The following GOLGA1 variants were observed in gnomAD, a reference collection of about 807,000 sequenced individuals.
GOLGA1 encodes the protein golgin subfamily A member 1.
GOLGA1 carries 63 observed loss-of-function variants against 119.7 expected under a neutral mutation model. That is an observed-to-expected ratio of 0.53 (90% confidence interval 0.43 to 0.65). The LOEUF is 0.65. Among genes scored for constraint, GOLGA1 ranks in the 30% least tolerant of loss-of-function variants. The pLI is 0.00. For missense variants in GOLGA1, 798 were observed against 912.8 expected, an observed-to-expected ratio of 0.87 and a Z score of 1.62; for synonymous variants, 318 against 333.4, an observed-to-expected ratio of 0.95 and a Z score of 0.50.
intron 3 of GOLGA1, among the ~76,000 whole-genome samples, chr9:124,932,099 C>T (rs1830780938): frequency 6.6e-6 from 1 of 152,168 alleles, no homozygotes; most frequent in South Asian, 2.1e-4. Flanking sequence ...AAATAATGCT[C>T]TCCATCTACT....
chr9:124,929,823 C>T (rs915710106), intron 4 of GOLGA1, among the ~76,000 whole-genome samples: 26 of 152,066 alleles, frequency 1.7e-4, no homozygotes, highest in South Asian at 6.2e-4. Flanking sequence ...GTAACCTACG[C>T]TACATTAAAT....
chr9:124,909,968 G>A lies in GOLGA1; in HGVS notation c.970-1496C>T, dbSNP rs548543180. ...ATTTATTTTTTTGAGACAGAGTCTC[G>A]CTCTGTCACCAGGCAGGAGTGCAGT... On this transcript the variant is annotated intron_variant, in intron 11 of 22. Transcript: ENST00000373555. Among the ~76,000 whole-genome samples the A allele has an allele frequency of 6.6e-5, 10 of 151,806 alleles. No individual in the cohort carries two copies. The East Asian group carries it at 1.2e-3, about 18-fold the overall frequency.
rs1431240207 is a variant in GOLGA1, at chr9:124,888,566, A to G, written c.1762-170T>C. ...GAAGATCCAATGCCCAATGCCCACA[A>G]CTAATCACACGACTAGTCTTTGCTG... On this transcript the variant is annotated intron_variant, in intron 18 of 22. Coordinates refer to ENST00000373555, the MANE Select transcript of GOLGA1 (RefSeq NM_002077.4). The surrounding 1 kb of genome is among the most constrained non-coding windows in gnomAD (Gnocchi z 4.4). Among the ~76,000 whole-genome samples, 5 of 152,178 alleles carry G rather than the reference A, an allele frequency of 3.3e-5. No homozygotes were observed. Among genetic ancestry groups the G allele is most frequent in the African/African-American group, 1.2e-4 (5 of 41,438 alleles).
chr9:124,904,814 T>A (rs1489687114), intron 12 of GOLGA1, among the ~76,000 whole-genome samples: 1 of 152,012 alleles, frequency 6.6e-6, no homozygotes, highest in Admixed American at 6.6e-5. Flanking sequence ...GTCACATGCC[T>A]GTAATCCCAG....
At chr9:124,928,870 C>A (rs1430261535) in intron 5 of GOLGA1, among the ~76,000 whole-genome samples, 4 of 152,126 alleles carry the variant, frequency 2.6e-5, no homozygotes. Flanking sequence ...CTCAACACAG[C>A]AGTAATGAAG....
At chr9:124,895,177 G>C (rs533870022) in intron 15 of GOLGA1, among the ~76,000 whole-genome samples, 5 of 136,576 alleles carry the variant, frequency 3.7e-5, no homozygotes, top group Admixed American at 3.1e-4. Context: ...CTCCACAACA[G>C]AGACCCTCCA....
At chr9:124,906,129 A>AAATAAATAAATT (rs1300293120) in intron 12 of GOLGA1, among the ~76,000 whole-genome samples, 1 of 150,806 alleles carries the variant, frequency 6.6e-6, no homozygotes, top group Non-Finnish European at 1.5e-5. Context: ...ATAAATAAAT[A>AAATAAATAAATT]AATAAATAAA....
rs188750707 is a variant in GOLGA1 at position 124,881,983 on chromosome 9, C to A, written c.1966-29G>T. ...AAAAACCAGTGGGAAAGATGCTACA[C>A]CGAACCCTCTGAGACAGGTGGAAAA... On this transcript the variant is annotated intron_variant, in intron 20 of 22. Transcript: ENST00000373555. The surrounding 1 kb of genome is among the most constrained non-coding windows in gnomAD (Gnocchi z 4.9). 4 of 1,552,726 alleles carry A rather than the reference C, an allele frequency of 2.6e-6. No homozygotes were observed. The highest frequency in any genetic ancestry group is 3.5e-6 in the Non-Finnish European group (4 of 1,137,316).
At chr9:124,887,764 G>A (rs1829756745) in intron 19 of GOLGA1, among the ~76,000 whole-genome samples, 1 of 152,120 alleles carries the variant, frequency 6.6e-6, no homozygotes, top group Non-Finnish European at 1.5e-5. Context: ...AAGGCTGGAG[G>A]GTGAAGGGTG....
At chr9:124,895,013 A>C (rs755031717) in intron 15 of GOLGA1, among the ~76,000 whole-genome samples, 3 of 78,642 alleles carry the variant, frequency 3.8e-5, no homozygotes, top group Non-Finnish European at 9.9e-5. Flanking sequence ...ATCCACAACA[A>C]AGAACCATTC....
In GOLGA1 at chr9:124,888,342, T is replaced by G. The variant is rs767676706; in HGVS notation, c.1816A>C (p.Thr606Pro). Residue 606 changes from threonine to proline, a missense_variant, in exon 19 of 23, where the codon ACA becomes CCA. Coordinates refer to ENST00000373555, the MANE Select transcript of GOLGA1 (RefSeq NM_002077.4). The surrounding 1 kb of genome is among the most constrained non-coding windows in gnomAD (Gnocchi z 4.4). ...ATGGCCCCAACCTCACCATTTGGTG[T>G]TCTTCCTGCAGTTGGAAGCTGGAAC... ...PVFQLPTAGRTPNGEVGAMDL... is the reference protein window; with the variant it reads ...PVFQLPTAGRPPNGEVGAMDL... 1.9e-6 allele frequency: 3 copies of G among 1,613,840 alleles called. No homozygotes were observed. The highest frequency in any genetic ancestry group is 2.5e-6 in the Non-Finnish European group (3 of 1,179,712).
intron 2 of GOLGA1, among the ~76,000 whole-genome samples, chr9:124,939,183 C>A (rs913255465): frequency 6.6e-6 from 1 of 151,806 alleles, no homozygotes; most frequent in African/African-American, 2.4e-5. Flanking sequence ...ACATATAACA[C>A]ACTTGGTAAA....
At chr9:124,935,412 T>C (rs1830844812) in intron 3 of GOLGA1, among the ~76,000 whole-genome samples, 1 of 152,194 alleles carries the variant, frequency 6.6e-6, no homozygotes, top group South Asian at 2.1e-4. Flanking sequence ...TCAAAAAGTT[T>C]AAGATTTTGG....
chr9:124,885,441 C>T (rs1423562148), intron 19 of GOLGA1, among the ~76,000 whole-genome samples: 4 of 148,598 alleles, frequency 2.7e-5, no homozygotes, highest in Admixed American at 6.8e-5. Flanking sequence ...GCCAAGATCA[C>T]GCCATTGCAC....
At chr9:124,914,431 G>A (rs918508747) in intron 10 of GOLGA1, among the ~76,000 whole-genome samples, 1 of 152,180 alleles carries the variant, frequency 6.6e-6, no homozygotes, top group African/African-American at 2.4e-5. Context: ...AACCTGGGAG[G>A]CGGAGCTTGC....
chr9:124,889,449 G>T lies in GOLGA1; in HGVS notation c.1585C>A (p.Leu529Ile). ...GACTCCTCACCTCGCTCCAGCTGGA[G>T]AATCTCCTGCTCTTTCTGGAGAAGC... ...EVLLQKEQEI[L>I]QLERGHNSAL... The change falls in exon 17 of 23, where the codon CTC becomes ATC. Residue 529 changes from leucine (L) to isoleucine (I), a missense_variant. By Grantham distance (5) the Leu-to-Ile change is conservative. Transcript: ENST00000373555. The T allele has an allele frequency of 6.2e-7, 1 of 1,612,812 alleles. No individual in the cohort carries two copies. Among genetic ancestry groups the T allele is most frequent in the Non-Finnish European group, 8.5e-7 (1 of 1,178,718 alleles).
At position 124,878,561 on chromosome 9, in the gene GOLGA1, A is replaced by G. The variant is rs752059747; in HGVS notation, c.*1969T>C. ...CAAGTCAAAGTGCATTAAATCACTT[A>G]GAATATTTATTCCACTCTTCCTCTT... is the stretch of plus-strand genomic sequence containing the variant. On this transcript the variant is annotated 3_prime_UTR_variant, in exon 23 of 23. Coordinates refer to ENST00000373555, the MANE Select transcript of GOLGA1 (RefSeq NM_002077.4). The G allele has an allele frequency of 5.2e-5, 8 of 152,660 alleles. No homozygotes were observed. Among genetic ancestry groups the G allele is most frequent in the Non-Finnish European group, 1.2e-4 (8 of 68,034 alleles). The allele number at this position is 152,660 out of a possible 1,614,324, so 9.5% of individuals were successfully genotyped here. A position where few individuals can be genotyped will look rare whatever the true frequency, so the allele number is the denominator to read the frequency against.
At chr9:124,901,586 C>T (rs1830107133) in intron 12 of GOLGA1, among the ~76,000 whole-genome samples, 1 of 151,930 alleles carries the variant, frequency 6.6e-6, no homozygotes, top group Non-Finnish European at 1.5e-5. Flanking sequence ...CAGGCACATG[C>T]CACCACACCC....
rs552265659 is a variant in GOLGA1 at position 124,904,992 on chromosome 9, A to C, written c.1065+3385T>G. Reference sequence around the variant, plus strand: ...AAATAAATTAAAAAAATACAAAAAAAAAAATGAGCCGGGTGTGGTGGTACA... The same window carrying C: ...AAATAAATTAAAAAAATACAAAAAACAAAATGAGCCGGGTGTGGTGGTACA... On this transcript the variant is annotated intron_variant, in intron 12 of 22. Coordinates refer to ENST00000373555, the MANE Select transcript of GOLGA1 (RefSeq NM_002077.4). Among the ~76,000 whole-genome samples the C allele has an allele frequency of 4.7e-5, 7 of 150,430 alleles. No individual in the cohort carries two copies. The South Asian group carries it at 1.5e-3, about 31-fold the overall frequency.
Sources: gnomAD v4.1 joint callset for allele counts (sites outside exome capture counted in the v4.1 genomes callset) on GRCh38, gnomAD v4.1.1 for gene constraint, Gnocchi (gnomAD v3.1) non-coding constraint, MANE v1.5 for transcripts, NCBI Gene and HGNC (gene_info 2026-07-23, HGNC 2026-07-21) for gene names.